Variants in ITGB4 observed in about 807,000 individuals in gnomAD.
The protein encoded by ITGB4 is integrin beta-4.
Under a neutral mutation model 207.6 loss-of-function variants are expected in ITGB4, and 159 were observed. The ratio of observed to expected loss-of-function variants is 0.77; its 90% CI spans 0.67 to 0.87. The LOEUF is 0.87. Among genes scored for constraint, ITGB4 ranks in the 40% least tolerant of loss-of-function variants. The probability of loss-of-function intolerance (pLI) is 0.00; values close to 1 mark genes in which losing one functional copy is unlikely to be tolerated. For synonymous variants in ITGB4, 1,020 were observed against 1,062.7 expected, an observed-to-expected ratio of 0.96 and a Z score of 0.78; for missense variants, 2,278 against 2,546.8, an observed-to-expected ratio of 0.89 and a Z score of 2.27.
At chr17:75,749,102 C>G in intron 27 of ITGB4, 57 bp downstream of exon 27, 1 of 1,410,200 alleles carries the variant, frequency 7.1e-7, no homozygotes, top group South Asian at 1.2e-5. Flanking sequence ...TGGGGGGTCT[C>G]TCAACTAGGT....
chr17:75,739,712 G>T lies in ITGB4; in HGVS notation c.2254+7G>T, dbSNP rs775196089. On this transcript the variant is annotated splice_region_variant and intron_variant, in intron 19 of 39. Coordinates refer to ENST00000200181, the MANE Select transcript of ITGB4 (RefSeq NM_000213.5). This position sits in a 1 kb window ranked among gnomAD's most constrained non-coding sequence, Gnocchi z 5.4. The stretch of plus-strand genomic sequence containing the variant: ...CTCCCGTGCTGCAACCGAGGTATGG[G>T]CCTGGCATCGCAGGGGCAGCAGGGG... 6.2e-7 allele frequency: 1 copy of T among 1,614,134 alleles called. No homozygotes were observed. The highest frequency in any genetic ancestry group is 1.1e-5 in the South Asian group (1 of 91,088).
chr17:75,737,445 G>C lies in ITGB4; in HGVS notation c.2113+1G>C, dbSNP rs2061004226. ...ACTGTCCTGGTGCACAAGAAGAAGG[G>C]TGAGCTGGTGGGGCCGGGCGCAGGG... On this transcript the variant is annotated splice_donor_variant, in intron 17 of 39. Transcript: ENST00000200181. LOFTEE classifies it high-confidence loss of function. 6.4e-7 allele frequency: 1 copy of C among 1,554,132 alleles called. No individual in the cohort carries two copies.
At position 75,755,127 on chromosome 17, in the gene ITGB4, C is replaced by T. The variant is rs532450752; in HGVS notation, c.4558+312C>T. 24 of 1,611,200 alleles carry T rather than the reference C, an allele frequency of 1.5e-5. No individual in the cohort carries two copies. The East Asian group carries it at 5.1e-4, about 34-fold the overall frequency. ...TGGGCCCTGGGGTCCCGGAGTCGGG[C>T]TCAGATGAAAGGGTTCCCCCCTTCC... On this transcript the variant is annotated intron_variant, in intron 34 of 39. Coordinates refer to ENST00000200181, the MANE Select transcript of ITGB4 (RefSeq NM_000213.5).
At chr17:75,721,987 A>G (rs1475103654) in intron 1 of ITGB4, among the ~76,000 whole-genome samples, 2 of 152,204 alleles carry the variant, frequency 1.3e-5, no homozygotes, top group Non-Finnish European at 2.9e-5. Flanking sequence ...CTAATGATAA[A>G]CCAACATTCC....
rs374647847 is a variant in ITGB4, at chr17:75,729,439, G to A, written c.738+3G>A. The A allele has an allele frequency of 2.9e-5, 47 of 1,613,780 alleles. No individual in the cohort carries two copies. In the African/African-American group the frequency reaches 5.7e-4, roughly 20 times the overall value. On this transcript the variant is annotated splice_donor_region_variant and intron_variant, in intron 7 of 39. Coordinates refer to ENST00000200181, the MANE Select transcript of ITGB4 (RefSeq NM_000213.5). The surrounding 1 kb of genome is among the most constrained non-coding windows in gnomAD (Gnocchi z 4.4). ...TCCTGCAGACAGCTGTGTGCACGGT[G>A]GGCACTGGGAAGGGTGCTGCCAGCC...
chr17:75,746,929 CAAAA>C (rs56351330), intron 26 of ITGB4, among the ~76,000 whole-genome samples: 5 of 70,872 alleles, frequency 7.1e-5, no homozygotes, highest in African/African-American at 1.1e-4. Context: ...ACCCCTGTCT[CAAAA>C]AAAAAAAAAA....
At chr17:75,723,065 C>A (rs770759587) in intron 1 of ITGB4, among the ~76,000 whole-genome samples, 15 of 152,210 alleles carry the variant, frequency 9.9e-5, no homozygotes, top group Admixed American at 1.3e-4. Context: ...CTCTTGGGTG[C>A]CTCGCCAACC....
chr17:75,748,248 A>G (rs1281265185), intron 26 of ITGB4, among the ~76,000 whole-genome samples: 2 of 149,576 alleles, frequency 1.3e-5, no homozygotes, highest in Non-Finnish European at 3.0e-5. Flanking sequence ...CTGTAGTCCC[A>G]GCTACTCAGG....
rs1259632208 is a variant in ITGB4, at chr17:75,739,634, C to G, written c.2221-38C>G. 6.2e-7 allele frequency: 1 copy of G among 1,613,668 alleles called. No homozygotes were observed. The highest frequency in any genetic ancestry group is 8.5e-7 in the Non-Finnish European group (1 of 1,179,774). On this transcript the variant is annotated intron_variant, in intron 18 of 39. Coordinates refer to ENST00000200181, the MANE Select transcript of ITGB4 (RefSeq NM_000213.5). The surrounding 1 kb of genome is among the most constrained non-coding windows in gnomAD (Gnocchi z 5.4). ...GAAGGGCTTACCTGGGCCAGGGCAG[C>G]TGTCTCAGGCCTCACCCTCACCCAC... is the stretch of plus-strand genomic sequence containing the variant.
rs2061341685 is a variant in ITGB4, at chr17:75,750,420, T to G, written c.3474+152T>G. 1.1e-6 allele frequency: 1 copy of G among 927,146 alleles called. No homozygotes were observed. The highest frequency in any genetic ancestry group is 2.7e-5 in the Admixed American group (1 of 37,382). The allele number at this position is 927,146 out of a possible 1,614,324, so 57.4% of individuals were successfully genotyped here. The stretch of plus-strand genomic sequence containing the variant: ...GGTCAGAGGGAAACCCGGTCTGTGC[T>G]GGGAAAGAGGGAAGACCCATTCCTG... On this transcript the variant is annotated intron_variant, in intron 28 of 39. Coordinates refer to ENST00000200181, the MANE Select transcript of ITGB4 (RefSeq NM_000213.5). This position sits in a 1 kb window ranked among gnomAD's most constrained non-coding sequence, Gnocchi z 5.5.
rs8079551 is a variant in ITGB4 at position 75,732,370 on chromosome 17, G to A, written c.1454+131G>A. On this transcript the variant is annotated intron_variant, in intron 12 of 39. Transcript: ENST00000200181. The surrounding 1 kb of genome is among the most constrained non-coding windows in gnomAD (Gnocchi z 5.3). Reference sequence around the variant, plus strand: ...GGGGTGGGGCGGCAATCAAAGAAACGGCTAAGGGCGGGGCACACCCAGTTG... The same window carrying A: ...GGGGTGGGGCGGCAATCAAAGAAACAGCTAAGGGCGGGGCACACCCAGTTG... 1.1e-5 allele frequency: 9 copies of A among 841,860 alleles called. No individual in the cohort carries two copies. Among genetic ancestry groups the A allele is most frequent in the South Asian group, 1.4e-5 (1 of 71,822 alleles). 52.1% of individuals were successfully genotyped at this position (841,860 alleles called of 1,614,324 possible).
rs1348061804 is a variant in ITGB4, at chr17:75,741,006, G to A, written c.2633+1G>A. ...GGCAGCAGCCCAATGCCGGGAAAAA[G>A]TGAGTAGAAGACTCGTGGGTGAGAG... On this transcript the variant is annotated splice_donor_variant, in intron 23 of 39. Coordinates refer to ENST00000200181, the MANE Select transcript of ITGB4 (RefSeq NM_000213.5). LOFTEE classifies it high-confidence loss of function. 1 of 1,613,426 alleles carries A rather than the reference G, an allele frequency of 6.2e-7. No individual in the cohort carries two copies. The highest frequency in any genetic ancestry group is 2.2e-5 in the East Asian group (1 of 44,874).
At chr17:75,741,255 T>C in intron 23 of ITGB4, 1 of 603,008 alleles carries the variant, frequency 1.7e-6, no homozygotes, top group Non-Finnish European at 3.0e-6. Context: ...CCTGCCCTCA[T>C]ATAGGTGACT....
chr17:75,756,377 CA>C (rs1419354925), intron 35 of ITGB4, 51 bp from the exon 36 acceptor site: 24 of 1,596,892 alleles, frequency 1.5e-5, no homozygotes, highest in Non-Finnish European at 2.0e-5. Context: ...AGGATCAGGC[CA>C]GGGGTGGGAG....
At chr17:75,721,972 C>T (rs559682977) in intron 1 of ITGB4, among the ~76,000 whole-genome samples, 5 of 152,326 alleles carry the variant, frequency 3.3e-5, no homozygotes, top group African/African-American at 1.2e-4. Context: ...CCCATCATGG[C>T]GCATCTAATG....
chr17:75,750,561 GC>G lies in ITGB4; in HGVS notation c.3475-115del. ...ACGTGTGCACATGGCAGATCTCTCA[GC>G]CCCTCCCTCGGGCCTCATCTGTGCA... is the stretch of plus-strand genomic sequence containing the variant. On this transcript the variant is annotated intron_variant, in intron 28 of 39. Transcript: ENST00000200181. The surrounding 1 kb of genome is among the most constrained non-coding windows in gnomAD (Gnocchi z 5.5). 1.1e-6 allele frequency: 1 copy of G among 947,230 alleles called. No homozygotes were observed. Among genetic ancestry groups the G allele is most frequent in the Non-Finnish European group, 1.6e-6 (1 of 607,630 alleles). 58.7% of individuals were successfully genotyped at this position (947,230 alleles called of 1,614,324 possible). A position where few individuals can be genotyped will look rare whatever the true frequency, so the allele number is the denominator to read the frequency against.
In ITGB4 at chr17:75,757,017, G is replaced by T. The variant is rs747376161; in HGVS notation, c.5128G>T (p.Val1710Leu). 6.2e-7 allele frequency: 1 copy of T among 1,612,400 alleles called. No homozygotes were observed. The highest frequency in any genetic ancestry group is 1.1e-5 in the South Asian group (1 of 91,048). ...GACCGTGCCGGGCCTCAGCGAGAAC[G>T]TGCCCTACAAGTTCAAGGTGCAGGC... ...RLTVPGLSEN[V>L]PYKFKVQART... Residue 1710 changes from valine to leucine, a missense_variant, in exon 38 of 40, where the codon GTG (valine) becomes TTG (leucine). By Grantham distance (32) the Val-to-Leu change is conservative. Transcript: ENST00000200181.
Position 75,743,752 on chromosome 17 carries a change from T to G in ITGB4, c.3002T>G (p.Val1001Gly), listed in dbSNP as rs754335006. Residue 1001 changes from valine to glycine, a missense_variant, in exon 26 of 40, where the codon GTC becomes GGC. Val to Gly is a moderately radical substitution (Grantham distance 109). Coordinates refer to ENST00000200181, the MANE Select transcript of ITGB4 (RefSeq NM_000213.5). ...VVSFEQPEFSVSRGDQVARIP... is the reference protein window; with the variant it reads ...VVSFEQPEFSGSRGDQVARIP... The stretch of plus-strand genomic sequence containing the variant: ...TCCTTTGAGCAGCCTGAGTTCTCGG[T>G]CAGCCGCGGGGACCAGGTGGCCCGC... 6.2e-7 allele frequency: 1 copy of G among 1,613,496 alleles called. No individual in the cohort carries two copies. The highest frequency in any genetic ancestry group is 8.5e-7 in the Non-Finnish European group (1 of 1,179,994).
chr17:75,740,440 G>T lies in ITGB4; in HGVS notation c.2529G>T (p.Leu843=). Residue 843 remains leucine (L), a synonymous_variant, in exon 21 of 40, where the codon CTG becomes CTT. Coordinates refer to ENST00000200181, the MANE Select transcript of ITGB4 (RefSeq NM_000213.5). The surrounding 1 kb of genome is among the most constrained non-coding windows in gnomAD (Gnocchi z 5.9). ...LKPDTRECAQ[L]RQEVEENLNE... is the part of the protein sequence containing the mutation. Reference sequence around the variant, plus strand: ...CTGACACTCGGGAGTGCGCCCAGCTGCGCCAGGAGGTGGAGGAGAACGTAA... The same window carrying T: ...CTGACACTCGGGAGTGCGCCCAGCTTCGCCAGGAGGTGGAGGAGAACGTAA... The T allele has an allele frequency of 6.2e-7, 1 of 1,613,744 alleles. No individual in the cohort carries two copies. The highest frequency in any genetic ancestry group is 8.5e-7 in the Non-Finnish European group (1 of 1,179,952).
Sources: allele counts gnomAD v4.1 joint callset (sites outside exome capture counted in the v4.1 genomes callset), GRCh38; gene constraint gnomAD v4.1.1; non-coding constraint Gnocchi (gnomAD v3.1); transcripts MANE v1.5; gene names NCBI Gene and HGNC (gene_info 2026-07-23, HGNC 2026-07-21).